Variants in PIAS1 observed in about 807,000 individuals in gnomAD.
The protein encoded by PIAS1 is E3 SUMO-protein ligase PIAS1.
Under a neutral mutation model 71.3 loss-of-function variants are expected in PIAS1, and 6 were observed. The ratio of observed to expected loss-of-function variants is 0.08; its 90% CI spans 0.05 to 0.17. PIAS1 has a LOEUF of 0.17. PIAS1 is among the 10% of genes least tolerant of loss of function. The pLI is 1.00. For synonymous variants in PIAS1, 303 were observed against 292.9 expected (o/e 1.03, Z -0.35); for missense variants, 555 against 793.6 (o/e 0.70, Z 3.61).
intron 1 of PIAS1, among the ~76,000 whole-genome samples, chr15:68,080,390 A>G (rs2092217798): frequency 6.6e-6 from 1 of 152,196 alleles, no homozygotes; most frequent in African/African-American, 2.4e-5. Context: ...GAGGTGGAAG[A>G]TAATTAACTA....
chr15:68,094,162 T>C, intron 2 of PIAS1, among the ~76,000 whole-genome samples: 1 of 152,058 alleles, frequency 6.6e-6, no homozygotes, highest in South Asian at 2.1e-4. Context: ...TCCTGTGCTT[T>C]TTTAAAGGTA....
At chr15:68,076,865 ACT>A (rs1380069421) in intron 1 of PIAS1, among the ~76,000 whole-genome samples, 1 of 151,910 alleles carries the variant, frequency 6.6e-6, no homozygotes, top group East Asian at 1.9e-4. Context: ...CCCTTGAAAA[ACT>A]CAAAATCTAT....
intron 1 of PIAS1, chr15:68,055,671 A>G (rs2091888156): frequency 2.5e-6 from 1 of 393,446 alleles, no homozygotes; most frequent in Admixed American, 4.1e-5. Flanking sequence ...CTCGACCCAG[A>G]GAACTGACAT....
intron 3 of PIAS1, 59 bp downstream of exon 3, chr15:68,142,089 A>C (rs184078114): frequency 3.4e-6 from 4 of 1,181,562 alleles, no homozygotes; most frequent in Non-Finnish European, 4.9e-6. Context: ...GTCTATAATA[A>C]ATGATTTTAA....
chr15:68,054,653 G>A lies in PIAS1; in HGVS notation c.24+303G>A, dbSNP rs2091875287. 1 of 300,282 alleles carries A rather than the reference G, an allele frequency of 3.3e-6. No individual in the cohort carries two copies. Among genetic ancestry groups the A allele is most frequent in the Non-Finnish European group, 6.1e-6 (1 of 163,344 alleles). The allele number at this position is 300,282 out of a possible 1,614,324, so 18.6% of individuals were successfully genotyped here. A position where few individuals can be genotyped will look rare whatever the true frequency, so the allele number is the denominator to read the frequency against. The stretch of plus-strand genomic sequence containing the variant: ...AGGTAGGGGCTGCAGCTGTCTCATG[G>A]GCTCGGCTTTTTCACCTTCCAGTTA... On this transcript the variant is annotated intron_variant, in intron 1 of 13. Coordinates refer to ENST00000249636, the MANE Select transcript of PIAS1 (RefSeq NM_016166.3). The surrounding 1 kb of genome is among the most constrained non-coding windows in gnomAD (Gnocchi z 4.6).
chr15:68,171,244 GC>G lies in PIAS1; in HGVS notation c.1009-2487del, dbSNP rs1272402070. On this transcript the variant is annotated intron_variant, in intron 8 of 13. Coordinates refer to ENST00000249636, the MANE Select transcript of PIAS1 (RefSeq NM_016166.3). This position sits in a 1 kb window ranked among gnomAD's most constrained non-coding sequence, Gnocchi z 4.4. ...TTTTCCCACTGGAACGTCTTCAGTG[GC>G]AGTAACAGACATGGAGCTGTTCTCT... Among the ~76,000 whole-genome samples the G allele has an allele frequency of 6.6e-6, 1 of 151,916 alleles. No homozygotes were observed. The highest frequency in any genetic ancestry group is 1.5e-5 in the Non-Finnish European group (1 of 67,952).
intron 2 of PIAS1, among the ~76,000 whole-genome samples, chr15:68,098,111 G>T (rs2092392004): frequency 6.6e-6 from 1 of 152,124 alleles, no homozygotes; most frequent in Non-Finnish European, 1.5e-5. Flanking sequence ...TGAACAACAA[G>T]GGGATTGGGA....
At chr15:68,175,174 T>G (rs575630284) in intron 9 of PIAS1, among the ~76,000 whole-genome samples, 10 of 152,358 alleles carry the variant, frequency 6.6e-5, no homozygotes, top group African/African-American at 2.2e-4. Flanking sequence ...TTTTATGCTT[T>G]CTTTATACAT....
At chr15:68,071,550 T>A (rs1186594182) in intron 1 of PIAS1, among the ~76,000 whole-genome samples, 2 of 151,330 alleles carry the variant, frequency 1.3e-5, no homozygotes, top group Non-Finnish European at 2.9e-5. Flanking sequence ...TAATAAACGA[T>A]AATAGAAAGC....
At chr15:68,135,661 G>C (rs1307495590) in intron 2 of PIAS1, among the ~76,000 whole-genome samples, 30 of 68,896 alleles carry the variant, frequency 4.4e-4, no homozygotes, top group East Asian at 8.5e-4. Flanking sequence ...TGGCTGGCCT[G>C]GCGGGGGCTG....
At chr15:68,156,538 C>T (rs2092890565) in intron 7 of PIAS1, among the ~76,000 whole-genome samples, 1 of 151,802 alleles carries the variant, frequency 6.6e-6, no homozygotes, top group African/African-American at 2.4e-5. Flanking sequence ...GAAACCCTGT[C>T]TCTACTAAAA....
rs577220762 is a variant in PIAS1 at position 68,098,897 on chromosome 15, T to C, written c.469+12147T>C. On this transcript the variant is annotated intron_variant, in intron 2 of 13. Transcript: ENST00000249636. ...ATATAGCCAGTAGTTTTATAATTCC[T>C]AGAAATAGAAAGTGCATCTAAATAT... 4.6e-5 allele frequency among the ~76,000 whole-genome samples: 7 copies of C among 152,300 alleles called. No homozygotes were observed. In the South Asian group the frequency reaches 1.0e-3, roughly 23 times the overall value.
At chr15:68,137,961 G>C (rs1595757827) in intron 2 of PIAS1, among the ~76,000 whole-genome samples, 1 of 151,996 alleles carries the variant, frequency 6.6e-6, no homozygotes, top group Non-Finnish European at 1.5e-5. Context: ...GGGCAACACA[G>C]CAATACCTCA....
In PIAS1 at chr15:68,189,441, T is replaced by G. The variant is rs999838406; in HGVS notation, c.*1606T>G. On this transcript the variant is annotated 3_prime_UTR_variant, in exon 14 of 14. Coordinates refer to ENST00000249636, the MANE Select transcript of PIAS1 (RefSeq NM_016166.3). Reference sequence around the variant, plus strand: ...CACCTTTGTGTATACACTTGTAGTTTTAAACCTTGCATTGGTAACAAAATG... The same window carrying G: ...CACCTTTGTGTATACACTTGTAGTTGTAAACCTTGCATTGGTAACAAAATG... The G allele has an allele frequency of 6.6e-6, 1 of 152,226 alleles. No individual in the cohort carries two copies. Among genetic ancestry groups the G allele is most frequent in the Non-Finnish European group, 1.5e-5 (1 of 68,032 alleles). 9.4% of individuals were successfully genotyped at this position (152,226 alleles called of 1,614,324 possible).
intron 2 of PIAS1, 124 bp from the exon 3 acceptor site, chr15:68,141,822 G>A (rs1323897862): frequency 1.7e-6 from 1 of 592,948 alleles, no homozygotes; most frequent in Non-Finnish European, 3.0e-6. Flanking sequence ...TGCTTTAATT[G>A]CCTTGTTATC....
chr15:68,151,024 A>G (rs1165686502), intron 6 of PIAS1, among the ~76,000 whole-genome samples: 2 of 151,930 alleles, frequency 1.3e-5, no homozygotes, highest in African/African-American at 2.4e-5. Context: ...AATTTTTAAG[A>G]CTTTTGAAAA....
At chr15:68,181,104 AT>A in intron 11 of PIAS1, 107 bp from the exon 12 acceptor site, 2 of 843,376 alleles carry the variant, frequency 2.4e-6, no homozygotes, top group Non-Finnish European at 3.8e-6. Flanking sequence ...TTTTGTTCTT[AT>A]TTCCAGCACT....
rs376379446 is a variant in PIAS1, at chr15:68,102,267, G to C, written c.469+15517G>C. Among the ~76,000 whole-genome samples, 105 of 152,248 alleles carry C rather than the reference G, an allele frequency of 6.9e-4. 2 individuals carry two copies. In the South Asian group the frequency reaches 0.021, roughly 31 times the overall value. On this transcript the variant is annotated intron_variant, in intron 2 of 13. Coordinates refer to ENST00000249636, the MANE Select transcript of PIAS1 (RefSeq NM_016166.3). ...GCATCTTTATCAACAATCATTGTCT[G>C]TACCTATGTGGGTCTCTTTCTGGGT...
In PIAS1 at chr15:68,086,658, C is replaced by A; in HGVS notation, c.377C>A (p.Thr126Lys). Residue 126 changes from threonine to lysine, a missense_variant, in exon 2 of 14, where the codon ACA becomes AAA. By Grantham distance (78) the Thr-to-Lys change is moderately conservative. Transcript: ENST00000249636. This position sits in a 1 kb window ranked among gnomAD's most constrained non-coding sequence, Gnocchi z 7.2. ...PKHELELPHL[T>K]SALHPVHPDI... ...CATGAACTGGAACTCCCACATCTTA[C>A]ATCAGCTCTTCACCCAGTCCATCCG... 2 of 1,613,220 alleles carry A rather than the reference C, an allele frequency of 1.2e-6. No individual in the cohort carries two copies. Among genetic ancestry groups the A allele is most frequent in the Non-Finnish European group, 1.7e-6 (2 of 1,179,180 alleles).
Sources: gnomAD v4.1 joint callset for allele counts (sites outside exome capture counted in the v4.1 genomes callset) on GRCh38, gnomAD v4.1.1 for gene constraint, Gnocchi (gnomAD v3.1) non-coding constraint, MANE v1.5 for transcripts, NCBI Gene and HGNC (gene_info 2026-07-23, HGNC 2026-07-21) for gene names.